XKR6: variants seen among roughly 807,000 people sequenced by gnomAD.
XKR6 encodes the protein XK-related protein 6.
In XKR6, 22 loss-of-function variants were observed where a neutral mutation model predicts 56.7. The observed-to-expected ratio is 0.39, with a 90% CI of 0.28 to 0.55. The LOEUF (loss-of-function observed/expected upper bound fraction) is 0.55, where lower values mean the gene tolerates loss of function less well. Among genes scored for constraint, XKR6 ranks in the 20% least tolerant of loss-of-function variants. The pLI, the probability that XKR6 is intolerant of heterozygous loss-of-function variation, is 0.66. For missense variants in XKR6, 852 were observed against 889.0 expected (o/e 0.96, Z 0.53); for synonymous variants, 524 against 387.8 (o/e 1.35, Z -4.13).
intron 1 of XKR6, among the ~76,000 whole-genome samples, chr8:11,139,039 T>C (rs1187140965): frequency 1.3e-5 from 2 of 152,172 alleles, no homozygotes; most frequent in Non-Finnish European, 1.5e-5. Flanking sequence ...TAATGATTAA[T>C]AAAAGCAATT....
chr8:11,154,868 C>G (rs1801440714), intron 1 of XKR6, among the ~76,000 whole-genome samples: 1 of 152,144 alleles, frequency 6.6e-6, no homozygotes, highest in South Asian at 2.1e-4. Context: ...TCAAATCTTC[C>G]CAGTAGTCTA....
intron 1 of XKR6, among the ~76,000 whole-genome samples, chr8:11,174,816 A>T (rs1396178573): frequency 6.6e-6 from 1 of 152,200 alleles, no homozygotes; most frequent in Non-Finnish European, 1.5e-5. Flanking sequence ...GCACCAGAGA[A>T]GCACAAGAGA....
intron 2 of XKR6, among the ~76,000 whole-genome samples, chr8:10,912,006 G>C (rs542076822): frequency 6.8e-6 from 1 of 148,096 alleles, no homozygotes; most frequent in Non-Finnish European, 1.5e-5. Flanking sequence ...TATATATATA[G>C]AGAGAGAGAG....
At chr8:10,995,523 C>CAT (rs1798091448) in intron 1 of XKR6, among the ~76,000 whole-genome samples, 1 of 147,694 alleles carries the variant, frequency 6.8e-6, no homozygotes, top group Admixed American at 6.8e-5. Flanking sequence ...TACACACACA[C>CAT]ACATATATAT....
At chr8:11,026,787 CTAGATGGTCTAGGCTACTACACCCT>C (rs2129150342) in intron 1 of XKR6, among the ~76,000 whole-genome samples, 1 of 151,084 alleles carries the variant, frequency 6.6e-6, no homozygotes. Flanking sequence ...TACTACACAC[CTAGATGGTCTAGGCTACTACACCCT>C]TAGATGGTCT....
At chr8:11,173,907 A>G (rs1802515817) in intron 1 of XKR6, among the ~76,000 whole-genome samples, 1 of 152,142 alleles carries the variant, frequency 6.6e-6, no homozygotes, top group Admixed American at 6.5e-5. Context: ...ACACAGTGGG[A>G]AAAAAAGAGG....
intron 2 of XKR6, among the ~76,000 whole-genome samples, chr8:10,922,605 G>A (rs962298754): frequency 6.6e-6 from 1 of 152,216 alleles, no homozygotes; most frequent in Admixed American, 6.5e-5. Flanking sequence ...GCTGCATGTT[G>A]TCCATGCTCA....
At chr8:11,156,637 T>C (rs1296626078) in intron 1 of XKR6, among the ~76,000 whole-genome samples, 1 of 152,178 alleles carries the variant, frequency 6.6e-6, no homozygotes, top group African/African-American at 2.4e-5. Flanking sequence ...ATCTAACATA[T>C]AGTAGACACC....
At chr8:11,198,599 T>G (rs1195390599) in intron 1 of XKR6, among the ~76,000 whole-genome samples, 1 of 152,154 alleles carries the variant, frequency 6.6e-6, no homozygotes, top group East Asian at 1.9e-4. Flanking sequence ...CCCTAAAATC[T>G]GGACTTCCAC....
At chr8:11,069,884 T>C (rs1417277152) in intron 1 of XKR6, among the ~76,000 whole-genome samples, 2 of 152,184 alleles carry the variant, frequency 1.3e-5, no homozygotes, top group African/African-American at 2.4e-5. Flanking sequence ...AGAAAAACTA[T>C]CGGAGTCAAC....
rs563791130 is a variant in XKR6, at chr8:10,969,485, C to A, written c.765-44655G>T. Among the ~76,000 whole-genome samples the A allele has an allele frequency of 1.1e-3, 161 of 152,274 alleles. 1 individual carries two copies. Among genetic ancestry groups the A allele is most frequent in the African/African-American group, 3.8e-3 (156 of 41,548 alleles). On this transcript the variant is annotated intron_variant, in intron 1 of 2. Transcript: ENST00000416569. ...AGTAGATACAAGATCTCCCTGTGAG[C>A]CAACAGGACATGGGAAATGTAGGTA...
intron 1 of XKR6, among the ~76,000 whole-genome samples, chr8:11,106,880 C>A (rs1489072863): frequency 1.1e-5 from 1 of 93,550 alleles, no homozygotes; most frequent in African/African-American, 5.9e-5. Context: ...AAAGATACAA[C>A]GTTACAAAAT....
In XKR6 at chr8:11,105,944, T is replaced by G. The variant is rs1298484477; in HGVS notation, c.764+94632A>C. On this transcript the variant is annotated intron_variant, in intron 1 of 2. Transcript: ENST00000416569. Reference sequence around the variant, plus strand: ...ATGCTTTAAACTGTTTCTCAAAAAATAATTTCAAACGACAAGCTTTTAAAT... The same window carrying G: ...ATGCTTTAAACTGTTTCTCAAAAAAGAATTTCAAACGACAAGCTTTTAAAT... 6.6e-5 allele frequency: 10 copies of G among 152,346 alleles called. 1 individual carries two copies. The East Asian group carries it at 1.7e-3, about 26-fold the overall frequency. The allele number at this position is 152,346 out of a possible 1,614,324, so 9.4% of individuals were successfully genotyped here. A position where few individuals can be genotyped will look rare whatever the true frequency, so the allele number is the denominator to read the frequency against.
In XKR6 at chr8:11,049,499, G is replaced by A. The variant is rs571716263; in HGVS notation, c.765-124669C>T. 9.2e-5 allele frequency among the ~76,000 whole-genome samples: 14 copies of A among 152,274 alleles called. No homozygotes were observed. In the South Asian group the frequency reaches 1.2e-3, roughly 14 times the overall value. On this transcript the variant is annotated intron_variant, in intron 1 of 2. Coordinates refer to ENST00000416569, the MANE Select transcript of XKR6 (RefSeq NM_173683.4). ...TAGCCTCCTCCAGGGGTGGCTGTAC[G>A]TGAAGACCTACCAAGAGCTGAAGAC... is the stretch of plus-strand genomic sequence containing the variant.
intron 1 of XKR6, among the ~76,000 whole-genome samples, chr8:11,155,890 T>C (rs1586626617): frequency 6.6e-6 from 1 of 152,162 alleles, no homozygotes; most frequent in Non-Finnish European, 1.5e-5. Flanking sequence ...ACACAAGCAA[T>C]TTAGTGCAAA....
intron 1 of XKR6, chr8:11,066,702 C>G (rs756553645): frequency 6.6e-6 from 1 of 152,228 alleles, no homozygotes; most frequent in Non-Finnish European, 1.5e-5. Flanking sequence ...ATACACTGTT[C>G]TTTGAGGCAT....
chr8:11,003,858 G>C (rs763994417), intron 1 of XKR6, among the ~76,000 whole-genome samples: 1 of 152,220 alleles, frequency 6.6e-6, no homozygotes, highest in Non-Finnish European at 1.5e-5. Context: ...AGAGCAAAAG[G>C]TTCCCAAGGG....
Position 10,924,685 on chromosome 8 carries a change from C to T in XKR6, c.910G>A (p.Val304Met). The T allele has an allele frequency of 6.2e-7, 1 of 1,613,160 alleles. No individual in the cohort carries two copies. The highest frequency in any genetic ancestry group is 8.5e-7 in the Non-Finnish European group (1 of 1,179,952). The part of the protein sequence containing the change: ...ETFLESAPQL[V>M]LQLYIMLQKN... ...TGGAGCATGATGTAGAGCTGTAGCA[C>T]CAGTTGGGGCGCGCTCTCCAGGAAG... The change falls in exon 2 of 3, where the codon GTG (valine) becomes ATG (methionine). Residue 304 changes from valine to methionine, a missense_variant. By Grantham distance (21) the Val-to-Met change is conservative. Transcript: ENST00000416569.
At chr8:11,124,862 A>C (rs1799682566) in intron 1 of XKR6, 1 of 151,866 alleles carries the variant, frequency 6.6e-6, no homozygotes, top group African/African-American at 2.4e-5. Flanking sequence ...AGGCAGGTGA[A>C]TCATGAGCTC....
Sources: gnomAD v4.1 joint callset for allele counts (sites outside exome capture counted in the v4.1 genomes callset) on GRCh38, gnomAD v4.1.1 for gene constraint, MANE v1.5 for transcripts, NCBI Gene and HGNC (gene_info 2026-07-23, HGNC 2026-07-21) for gene names.